The following MAPKAP1 variants were observed in gnomAD, a reference collection of about 807,000 sequenced individuals.
MAPKAP1 encodes the protein target of rapamycin complex 2 subunit MAPKAP1.
A neutral mutation model predicts 65.7 loss-of-function variants in MAPKAP1; 20 were observed. That is an observed-to-expected ratio of 0.30 (90% CI 0.21 to 0.44). The LOEUF (loss-of-function observed/expected upper bound fraction) is 0.44, where lower values mean the gene tolerates loss of function less well. Among genes scored for constraint, MAPKAP1 ranks in the 20% least tolerant of loss-of-function variants. The pLI is 1.00. For missense variants in MAPKAP1, 423 were observed against 648.0 expected (o/e 0.65, Z 3.77); for synonymous variants, 222 against 244.3 (o/e 0.91, Z 0.85).
intron 3 of MAPKAP1, among the ~76,000 whole-genome samples, chr9:125,662,375 C>G (rs1834211403): frequency 1.3e-5 from 2 of 152,170 alleles, no homozygotes; most frequent in South Asian, 2.1e-4. Context: ...GTGCAAGACC[C>G]TGTTTCAAAA....
chr9:125,538,956 C>T (rs916267585), intron 7 of MAPKAP1, among the ~76,000 whole-genome samples: 29 of 152,114 alleles, frequency 1.9e-4, no homozygotes, highest in African/African-American at 5.6e-4. Flanking sequence ...ACCAGAACCC[C>T]CAAACCCTGT....
intron 4 of MAPKAP1, among the ~76,000 whole-genome samples, chr9:125,603,408 G>A (rs948163382): frequency 1.5e-4 from 5 of 33,738 alleles, no homozygotes; most frequent in South Asian, 1.8e-3. Flanking sequence ...AGAGATGGGC[G>A]AGCAAGCACA....
intron 1 of MAPKAP1, among the ~76,000 whole-genome samples, chr9:125,693,537 A>G (rs1187238006): frequency 1.0e-5 from 1 of 95,510 alleles, no homozygotes; most frequent in Non-Finnish European, 1.9e-5. Context: ...ACATATACAC[A>G]CACATATATA....
intron 4 of MAPKAP1, among the ~76,000 whole-genome samples, chr9:125,607,017 C>T (rs1295538262): frequency 6.6e-6 from 1 of 152,172 alleles, no homozygotes; most frequent in Non-Finnish European, 1.5e-5. Context: ...GTTCATCTTT[C>T]TAAGCCTCAG....
chr9:125,535,202 T>C (rs1325479753), intron 7 of MAPKAP1, among the ~76,000 whole-genome samples: 1 of 152,216 alleles, frequency 6.6e-6, no homozygotes, highest in African/African-American at 2.4e-5. Flanking sequence ...CAAAACATGT[T>C]GTCTCTTCTA....
intron 9 of MAPKAP1, chr9:125,471,605 C>T (rs1853927738): frequency 1.3e-5 from 2 of 152,224 alleles, no homozygotes; most frequent in Admixed American, 1.3e-4. Flanking sequence ...AGTAGTACCC[C>T]ACTTGTCACT....
intron 4 of MAPKAP1, among the ~76,000 whole-genome samples, chr9:125,633,041 C>T (rs1050514733): frequency 2.0e-5 from 3 of 152,234 alleles, no homozygotes; most frequent in Non-Finnish European, 4.4e-5. Context: ...GCAATCACTA[C>T]TTCCCTTTTT....
chr9:125,650,863 A>G (rs1371879273), intron 4 of MAPKAP1, among the ~76,000 whole-genome samples: 1 of 152,210 alleles, frequency 6.6e-6, no homozygotes, highest in African/African-American at 2.4e-5. Context: ...AAAAATCCCA[A>G]TGTCCTCCCT....
chr9:125,679,570 G>A (rs547895383), intron 1 of MAPKAP1, among the ~76,000 whole-genome samples: 22 of 152,228 alleles, frequency 1.4e-4, no homozygotes, highest in African/African-American at 5.3e-4. Context: ...AATCACAGAG[G>A]AAGGGTTTAC....
At chr9:125,460,061 A>G (rs10986769) in intron 10 of MAPKAP1, among the ~76,000 whole-genome samples, 3,057 of 152,218 alleles carry the variant, frequency 0.02, 167 homozygotes, top group East Asian at 0.14. Context: ...CAGCTGAGAA[A>G]TCTTTCACAC....
chr9:125,642,215 A>G (rs943044719), intron 4 of MAPKAP1, among the ~76,000 whole-genome samples: 1 of 152,084 alleles, frequency 6.6e-6, no homozygotes, highest in African/African-American at 2.4e-5. Flanking sequence ...GAAAAAAAAA[A>G]GGAAAGAAGG....
chr9:125,470,759 C>A (rs1853883913), intron 9 of MAPKAP1, among the ~76,000 whole-genome samples: 1 of 152,128 alleles, frequency 6.6e-6, no homozygotes, highest in South Asian at 2.1e-4. Context: ...GCAATAGGCT[C>A]AAGATGGGCA....
chr9:125,573,781 C>T (rs1180826798), intron 5 of MAPKAP1, among the ~76,000 whole-genome samples: 1 of 152,204 alleles, frequency 6.6e-6, no homozygotes, highest in African/African-American at 2.4e-5. Context: ...TCTGCTGGGA[C>T]CCTCCCCTGC....
chr9:125,685,276 G>C (rs1035904368), intron 1 of MAPKAP1, among the ~76,000 whole-genome samples: 1 of 151,926 alleles, frequency 6.6e-6, no homozygotes, highest in Non-Finnish European at 1.5e-5. Context: ...AGTTGCAACA[G>C]TAAATGAAAT....
chr9:125,541,931 C>T (rs114529341), intron 7 of MAPKAP1, among the ~76,000 whole-genome samples: 1,667 of 152,318 alleles, frequency 0.011, 39 homozygotes, highest in African/African-American at 0.037. Context: ...TGGCAAAAGC[C>T]GAAACGTGCA....
intron 7 of MAPKAP1, among the ~76,000 whole-genome samples, chr9:125,522,027 T>C (rs1044002402): frequency 6.6e-5 from 10 of 152,242 alleles, no homozygotes; most frequent in Non-Finnish European, 1.0e-4. Context: ...ACAGTAGTTG[T>C]ATGTACTTGA....
At chr9:125,667,022 A>G (rs1180889136) in intron 3 of MAPKAP1, among the ~76,000 whole-genome samples, 1 of 152,230 alleles carries the variant, frequency 6.6e-6, no homozygotes, top group Non-Finnish European at 1.5e-5. Context: ...CACAGGCTCA[A>G]TTATCAAAAT....
At chr9:125,694,236 G>A (rs192952054) in intron 1 of MAPKAP1, among the ~76,000 whole-genome samples, 49 of 151,868 alleles carry the variant, frequency 3.2e-4, no homozygotes, top group African/African-American at 1.2e-3. Flanking sequence ...GCTGAGGCAG[G>A]AGAACTGCTT....
chr9:125,554,050 G>A (rs1830663217), intron 6 of MAPKAP1, among the ~76,000 whole-genome samples: 1 of 152,040 alleles, frequency 6.6e-6, no homozygotes, highest in African/African-American at 2.4e-5. Context: ...AAAAAAGTTT[G>A]CCAACCCTAG....
Sources: gnomAD v4.1 joint callset for allele counts (sites outside exome capture counted in the v4.1 genomes callset) on GRCh38, gnomAD v4.1.1 for gene constraint, MANE v1.5 for transcripts, NCBI Gene and HGNC (gene_info 2026-07-23, HGNC 2026-07-21) for gene names.